The following RNF150 variants were observed in gnomAD, a reference collection of about 807,000 sequenced individuals.
RNF150 encodes the protein ring finger protein 150.
RNF150 carries 24 observed loss-of-function variants against 39.3 expected under a neutral mutation model. That is an observed-to-expected ratio of 0.61 (90% CI 0.44 to 0.86). The LOEUF (loss-of-function observed/expected upper bound fraction) is 0.86, where lower values mean the gene tolerates loss of function less well. Among genes scored for constraint, RNF150 ranks in the 40% least tolerant of loss-of-function variants. The pLI is 0.00. For missense variants in RNF150, 502 were observed against 587.8 expected, an observed-to-expected ratio of 0.85 and a Z score of 1.51; for synonymous variants, 255 against 227.3, an observed-to-expected ratio of 1.12 and a Z score of -1.10.
At chr4:141,089,036 A>C (rs1004508573) in intron 1 of RNF150, among the ~76,000 whole-genome samples, 3 of 152,258 alleles carry the variant, frequency 2.0e-5, no homozygotes, top group African/African-American at 7.2e-5. Flanking sequence ...CTCTTTGAAG[A>C]TTGGTCTCTA....
chr4:141,047,583 T>G (rs141218455), intron 1 of RNF150, among the ~76,000 whole-genome samples: 1 of 152,296 alleles, frequency 6.6e-6, no homozygotes, highest in East Asian at 1.9e-4. Flanking sequence ...ATAAAAATTT[T>G]TAAATATTCC....
intron 1 of RNF150, among the ~76,000 whole-genome samples, chr4:140,996,794 A>G (rs1326072147): frequency 3.3e-5 from 5 of 152,232 alleles, no homozygotes; most frequent in Admixed American, 2.0e-4. Context: ...TCCTAATGCC[A>G]TGTGGCAAAT....
intron 1 of RNF150, among the ~76,000 whole-genome samples, chr4:141,141,241 C>T (rs909601721): frequency 1.3e-5 from 2 of 152,216 alleles, no homozygotes; most frequent in Admixed American, 6.5e-5. Flanking sequence ...TGTAAAGTTT[C>T]TCTTCTGTAA....
chr4:140,984,752 C>T (rs1733968711), intron 1 of RNF150, among the ~76,000 whole-genome samples: 1 of 152,114 alleles, frequency 6.6e-6, no homozygotes, highest in Admixed American at 6.6e-5. Context: ...GGAATTGCTA[C>T]CACCTAGGAG....
chr4:140,968,633 T>C (rs1022919618), intron 1 of RNF150, among the ~76,000 whole-genome samples: 1 of 151,766 alleles, frequency 6.6e-6, no homozygotes, highest in South Asian at 2.1e-4. Context: ...CAGGATTGTT[T>C]CACTTCCACT....
intron 1 of RNF150, among the ~76,000 whole-genome samples, chr4:141,120,287 T>C (rs1028660343): frequency 2.6e-5 from 4 of 151,914 alleles, no homozygotes; most frequent in Non-Finnish European, 5.9e-5. Context: ...CAGAGAAAAC[T>C]GACAAAGGGG....
chr4:140,874,852 A>G (rs6830080), intron 6 of RNF150, among the ~76,000 whole-genome samples: 2,076 of 152,242 alleles, frequency 0.014, 54 homozygotes, highest in African/African-American at 0.045. Flanking sequence ...TAAAGTAGAA[A>G]CAAGATCTCA....
intron 4 of RNF150, among the ~76,000 whole-genome samples, chr4:140,934,288 T>C (rs1731754548): frequency 6.6e-6 from 1 of 152,086 alleles, no homozygotes; most frequent in African/African-American, 2.4e-5. Flanking sequence ...GAATTACAGG[T>C]GTGAGCTACT....
intron 1 of RNF150, among the ~76,000 whole-genome samples, chr4:141,108,747 G>A (rs972637177): frequency 2.6e-5 from 4 of 152,130 alleles, no homozygotes; most frequent in African/African-American, 9.7e-5. Context: ...AGTCCGTTAA[G>A]GGATTTGCCC....
intron 1 of RNF150, among the ~76,000 whole-genome samples, chr4:141,089,882 C>G (rs1456376242): frequency 6.6e-6 from 1 of 152,200 alleles, no homozygotes; most frequent in East Asian, 1.9e-4. Context: ...GCTCTCAGGC[C>G]TATTGTCATG....
rs779752710 is a variant in RNF150, at chr4:141,132,576, C to G, written c.233G>C (p.Gly78Ala). 44 of 1,578,346 alleles carry G rather than the reference C, an allele frequency of 2.8e-5. No individual in the cohort carries two copies. The African/African-American group carries it at 5.5e-4, about 20-fold the overall frequency. Residue 78 changes from glycine to alanine, a missense_variant, in exon 1 of 7, where the codon GGA (glycine) becomes GCA (alanine). Coordinates refer to ENST00000515673, the MANE Select transcript of RNF150 (RefSeq NM_020724.2). This position sits in a 1 kb window ranked among gnomAD's most constrained non-coding sequence, Gnocchi z 4.9. ...GGCGTCCTGCTTGGGCGAGTGCTCT[C>G]CGTAGCGCCCGCACTCCGTCTTCTC... ...HTEKTECGRY[G>A]EHSPKQDARG... is the part of the protein sequence containing the mutation.
At chr4:141,157,186 C>G (rs1050445257) in intron 1 of RNF150, among the ~76,000 whole-genome samples, 6 of 152,064 alleles carry the variant, frequency 3.9e-5, no homozygotes, top group Admixed American at 2.6e-4. Context: ...TAGATAGCTG[C>G]AGGATTCAGG....
chr4:141,180,129 G>A (rs766128949), intron 1 of RNF150, among the ~76,000 whole-genome samples: 1 of 152,172 alleles, frequency 6.6e-6, no homozygotes, highest in Non-Finnish European at 1.5e-5. Context: ...GTCTGGAGGT[G>A]GTTGTTTGCT....
At chr4:141,117,501 CTGTACCATCTAGATT>C (rs1286025936) in intron 1 of RNF150, among the ~76,000 whole-genome samples, 3 of 152,134 alleles carry the variant, frequency 2.0e-5, no homozygotes, top group Non-Finnish European at 4.4e-5. Context: ...GTGCAACAGA[CTGTACCATCTAGATT>C]TGTACCATCT....
At chr4:140,942,594 C>T (rs1318098370) in intron 4 of RNF150, among the ~76,000 whole-genome samples, 3 of 152,110 alleles carry the variant, frequency 2.0e-5, no homozygotes, top group Non-Finnish European at 2.9e-5. Context: ...CGGTATGAGT[C>T]GAACATCCTT....
At chr4:140,893,015 C>G (rs1401178498) in intron 6 of RNF150, among the ~76,000 whole-genome samples, 1 of 152,044 alleles carries the variant, frequency 6.6e-6, no homozygotes, top group African/African-American at 2.4e-5. Context: ...TGCAGTGAGC[C>G]ATGATTGCAC....
At chr4:140,941,655 C>T (rs768156253) in intron 4 of RNF150, among the ~76,000 whole-genome samples, 21 of 152,040 alleles carry the variant, frequency 1.4e-4, no homozygotes, top group Non-Finnish European at 2.4e-4. Flanking sequence ...TTAAAGAGCA[C>T]GAGTAGAAGC....
intron 6 of RNF150, among the ~76,000 whole-genome samples, chr4:140,879,724 AGCTG>A (rs1729303400): frequency 6.6e-6 from 1 of 152,102 alleles, no homozygotes; most frequent in South Asian, 2.1e-4. Context: ...TGGGAGGCTA[AGCTG>A]GCAGGATTAC....
At chr4:140,906,817 C>T (rs965457133) in intron 6 of RNF150, among the ~76,000 whole-genome samples, 1 of 152,074 alleles carries the variant, frequency 6.6e-6, no homozygotes, top group African/African-American at 2.4e-5. Context: ...AGAGTTGGTT[C>T]CCTCTAGTCT....
Sources: allele counts gnomAD v4.1 joint callset (sites outside exome capture counted in the v4.1 genomes callset), GRCh38; gene constraint gnomAD v4.1.1; non-coding constraint Gnocchi (gnomAD v3.1); transcripts MANE v1.5; gene names NCBI Gene and HGNC (gene_info 2026-07-23, HGNC 2026-07-21).